Variants in NEDD8 observed in about 807,000 individuals in gnomAD.
NEDD8 encodes NEDD8 ubiquitin like modifier.
In NEDD8, 1 loss-of-function variant was observed where a neutral mutation model predicts 13.8. The observed-to-expected ratio is 0.07, with a 90% CI of 0.03 to 0.34. The LOEUF (loss-of-function observed/expected upper bound fraction) is 0.34, where lower values mean the gene tolerates loss of function less well. Among genes scored for constraint, NEDD8 ranks in the 10% least tolerant of loss-of-function variants. The pLI is 0.99. For synonymous variants in NEDD8, 31 were observed against 33.2 expected (o/e 0.93, Z 0.23); for missense variants, 10 against 95.2 (o/e 0.10, Z 3.73).
intron 1 of NEDD8, chr14:24,227,177 T>A (rs2039903306): frequency 6.6e-6 from 1 of 152,228 alleles, no homozygotes; most frequent in African/African-American, 2.4e-5. Context: ...TGTAATTACA[T>A]GAACGTATGC....
chr14:24,222,042 C>A (rs1594485869), intron 1 of NEDD8, among the ~76,000 whole-genome samples: 1 of 152,160 alleles, frequency 6.6e-6, no homozygotes, highest in Admixed American at 6.5e-5. Context: ...TTTCTGAAAT[C>A]GACTGTAGAG....
chr14:24,220,690 T>G (rs1213001200), intron 1 of NEDD8, among the ~76,000 whole-genome samples: 1 of 152,218 alleles, frequency 6.6e-6, no homozygotes, highest in Non-Finnish European at 1.5e-5. Context: ...ATCCTCCCAG[T>G]ATTTATGAGA....
intron 3 of NEDD8, chr14:24,217,839 C>A: frequency 3.4e-6 from 1 of 294,512 alleles, no homozygotes; most frequent in Non-Finnish European, 6.3e-6. Context: ...CATATTAGAC[C>A]TACCATTAGA....
chr14:24,216,982 C>T lies in NEDD8; in HGVS notation c.*145G>A. ...CCCTCTGGGCCAGGAATACTGAATCCTGGGATCCTCACAGTCTCCCACCAG... is the reference window on the plus strand; with the variant it reads ...CCCTCTGGGCCAGGAATACTGAATCTTGGGATCCTCACAGTCTCCCACCAG... On this transcript the variant is annotated 3_prime_UTR_variant, in exon 4 of 4. Transcript: ENST00000250495. 1.5e-6 allele frequency: 1 copy of T among 686,020 alleles called. No homozygotes were observed. Among genetic ancestry groups the T allele is most frequent in the East Asian group, 2.8e-5 (1 of 35,902 alleles). 42.5% of individuals were successfully genotyped at this position (686,020 alleles called of 1,614,324 possible).
intron 1 of NEDD8, among the ~76,000 whole-genome samples, chr14:24,219,999 C>T (rs1436088134): frequency 6.6e-6 from 1 of 152,072 alleles, no homozygotes; most frequent in Non-Finnish European, 1.5e-5. Context: ...ATTAGCCAGG[C>T]GTGGTGGCGC....
At chr14:24,225,171 C>CA (rs71281817) in intron 1 of NEDD8, among the ~76,000 whole-genome samples, 90,677 of 123,682 alleles carry the variant, frequency 0.73, 33,197 homozygotes, top group Admixed American at 0.83. Context: ...GACTCTGTCT[C>CA]AAAAAAAAAA....
intron 1 of NEDD8, among the ~76,000 whole-genome samples, chr14:24,229,774 G>A (rs1177526505): frequency 1.3e-5 from 2 of 152,152 alleles, no homozygotes; most frequent in East Asian, 3.9e-4. Context: ...GCATTGAAAA[G>A]CCAACAGAAG....
At position 24,218,119 on chromosome 14, in the gene NEDD8, C is replaced by T; in HGVS notation, c.149+14G>A. The T allele has an allele frequency of 6.2e-7, 1 of 1,613,974 alleles. No individual in the cohort carries two copies. Among genetic ancestry groups the T allele is most frequent in the Non-Finnish European group, 8.5e-7 (1 of 1,180,004 alleles). The stretch of plus-strand genomic sequence containing the variant: ...CATAAGATCGCCATGCTGTCATTCT[C>T]ACTCCAAACTCACATCTGCTTGCCA... On this transcript the variant is annotated intron_variant, in intron 3 of 3. Transcript: ENST00000250495.
rs555916016 is a variant in NEDD8 at position 24,218,467 on chromosome 14, C to T, written c.19-36G>A. The T allele has an allele frequency of 5.0e-6, 8 of 1,614,112 alleles. No homozygotes were observed. In the East Asian group the frequency reaches 1.6e-4, roughly 31 times the overall value. On this transcript the variant is annotated intron_variant, in intron 1 of 3. Transcript: ENST00000250495. The stretch of plus-strand genomic sequence containing the variant: ...CAATGGTTTCATGAGTCCTTAAAGC[C>T]CAATGTACAATTTGTCTTCTAGGTA...
At chr14:24,221,763 A>C (rs1289906872) in intron 1 of NEDD8, among the ~76,000 whole-genome samples, 3 of 151,478 alleles carry the variant, frequency 2.0e-5, no homozygotes, top group African/African-American at 7.3e-5. Context: ...ACACCTGGCT[A>C]ATTTTGTATT....
rs2039717020 is a variant in NEDD8, at chr14:24,217,169, G to A, written c.204C>T (p.His68=). 6.2e-7 allele frequency: 1 copy of A among 1,613,714 alleles called. No individual in the cohort carries two copies. The highest frequency in any genetic ancestry group is 1.1e-5 in the South Asian group (1 of 90,916). The part of the protein sequence containing the change: ...DYKILGGSVL[H]LVLALRGGGG... ...CTCCTCCTCTCAGAGCCAACACCAG[G>A]TGAAGGACTGAACCACCTAAAATCT... Residue 68 remains histidine, a synonymous_variant, in exon 4 of 4, where the codon CAC becomes CAT. Transcript: ENST00000250495.
chr14:24,218,685 A>T, intron 1 of NEDD8: 1 of 566,978 alleles, frequency 1.8e-6, no homozygotes, highest in East Asian at 2.9e-5. Context: ...ATCTTCCAAC[A>T]TCAGTCCCCC....
Position 24,230,027 on chromosome 14 carries a change from G to A in NEDD8, c.18+2223C>T, listed in dbSNP as rs190523442. ...GGAGGTTGCAGTGAGCCGACATTGC[G>A]CCACTGCACTCCAGCCTGGTGACAG... On this transcript the variant is annotated intron_variant, in intron 1 of 3. Coordinates refer to ENST00000250495, the MANE Select transcript of NEDD8 (RefSeq NM_006156.3). Among the ~76,000 whole-genome samples the A allele has an allele frequency of 2.1e-3, 316 of 151,896 alleles. 1 individual carries two copies. Among genetic ancestry groups the A allele is most frequent in the African/African-American group, 7.2e-3 (300 of 41,382 alleles).
chr14:24,219,638 A>G (rs1222700291), intron 1 of NEDD8, among the ~76,000 whole-genome samples: 1 of 152,168 alleles, frequency 6.6e-6, no homozygotes, highest in African/African-American at 2.4e-5. Flanking sequence ...ATCCAAATAC[A>G]ATAATTATAC....
intron 3 of NEDD8, chr14:24,217,566 AGGCGTGAG>A (rs1453358678): frequency 3.1e-5 from 7 of 226,052 alleles, no homozygotes; most frequent in Middle Eastern, 1.9e-3. Context: ...CTGGGATTAC[AGGCGTGAG>A]CCACTGCGCC....
rs750701688 is a variant in NEDD8 at position 24,217,243 on chromosome 14, G to GA, written c.150-21dup. 2.5e-5 allele frequency: 39 copies of GA among 1,566,448 alleles called. No homozygotes were observed. Among genetic ancestry groups the GA allele is most frequent in the Middle Eastern group, 3.4e-4 (2 of 5,910 alleles). On this transcript the variant is annotated intron_variant, in intron 3 of 3. Transcript: ENST00000250495. The stretch of plus-strand genomic sequence containing the variant: ...TCATTCCTGCAGGAAAAGGAAGCCA[G>GA]AAAAAAAAGAAAAAGAAGACTTAGG...
chr14:24,217,768 A>G (rs2039734672), intron 3 of NEDD8: 1 of 191,900 alleles, frequency 5.2e-6, no homozygotes, highest in African/African-American at 2.4e-5. Flanking sequence ...TAACAATAGC[A>G]ATTAACTATT....
chr14:24,227,187 C>T (rs770139673), intron 1 of NEDD8: 19 of 152,200 alleles, frequency 1.2e-4, no homozygotes, highest in Non-Finnish European at 2.1e-4. Flanking sequence ...TGAACGTATG[C>T]TATTGTCAAA....
chr14:24,220,552 G>C (rs1164625029), intron 1 of NEDD8, among the ~76,000 whole-genome samples: 1 of 152,110 alleles, frequency 6.6e-6, no homozygotes, highest in Non-Finnish European at 1.5e-5. Context: ...AAACTCATGG[G>C]CTCAAGTGAT....
Sources: allele counts gnomAD v4.1 joint callset (sites outside exome capture counted in the v4.1 genomes callset), GRCh38; gene constraint gnomAD v4.1.1; transcripts MANE v1.5; gene names NCBI Gene and HGNC (gene_info 2026-07-23, HGNC 2026-07-21).